Variants in RHOBTB3 observed in about 807,000 individuals in gnomAD.
RHOBTB3 encodes the protein rho-related BTB domain-containing protein 3.
Under a neutral mutation model 67.2 loss-of-function variants are expected in RHOBTB3, and 47 were observed. The ratio of observed to expected loss-of-function variants is 0.70; its 90% CI spans 0.55 to 0.89. The LOEUF is 0.89. Ranked by LOEUF, RHOBTB3 falls within the 40% of genes least tolerant of loss-of-function variation. The pLI is 0.00. For missense variants in RHOBTB3, 631 were observed against 750.0 expected (o/e 0.84, Z 1.85); for synonymous variants, 273 against 274.2 (o/e 1.00, Z 0.04).
chr5:95,788,715 A>T (rs1746293006), intron 10 of RHOBTB3, 47 bp from the exon 11 acceptor site: 2 of 1,214,184 alleles, frequency 1.6e-6, no homozygotes, highest in African/African-American at 3.1e-5. Flanking sequence ...TTATCATACC[A>T]GTGGCCATTA....
At chr5:95,752,206 G>T in intron 4 of RHOBTB3, 33 bp from the exon 5 acceptor site, 1 of 1,276,258 alleles carries the variant, frequency 7.8e-7, no homozygotes. Context: ...TAGTTTTGTT[G>T]GATCTTCAAT....
Position 95,748,426 on chromosome 5 carries a change from C to A in RHOBTB3, c.509C>A (p.Ala170Glu). The A allele has an allele frequency of 1.2e-6, 2 of 1,613,454 alleles. No homozygotes were observed. The highest frequency in any genetic ancestry group is 1.3e-5 in the African/African-American group (1 of 75,014). Reference protein sequence around the residue: ...EGIQLAKELGATYLELHSLDD... With the variant: ...EGIQLAKELGETYLELHSLDD... ...ATCCAACTTGCAAAAGAACTAGGAGCGACCTATCTTGAACTCCACAGCCTT... is the reference window on the plus strand; with the variant it reads ...ATCCAACTTGCAAAAGAACTAGGAGAGACCTATCTTGAACTCCACAGCCTT... Residue 170 changes from alanine (A) to glutamate (E), a missense_variant, in exon 4 of 12, where the codon GCG becomes GAG. Ala to Glu is a moderately radical substitution (Grantham distance 107). Coordinates refer to ENST00000379982, the MANE Select transcript of RHOBTB3 (RefSeq NM_014899.4).
intron 5 of RHOBTB3, among the ~76,000 whole-genome samples, chr5:95,753,979 G>A (rs900134461): frequency 1.6e-4 from 24 of 151,980 alleles, no homozygotes; most frequent in African/African-American, 5.3e-4. Flanking sequence ...GCATGATGGC[G>A]ACGCCTGTAG....
intron 8 of RHOBTB3, among the ~76,000 whole-genome samples, chr5:95,774,217 C>T (rs1314471290): frequency 6.6e-6 from 1 of 152,042 alleles, no homozygotes; most frequent in East Asian, 1.9e-4. Flanking sequence ...CATTGTAGGA[C>T]AGTCAGATAA....
chr5:95,737,052 C>T lies in RHOBTB3; in HGVS notation c.392C>T (p.Ala131Val), dbSNP rs778707106. 1 of 1,594,038 alleles carries T rather than the reference C, an allele frequency of 6.3e-7. No homozygotes were observed. The highest frequency in any genetic ancestry group is 1.1e-5 in the South Asian group (1 of 90,186). The change falls in exon 3 of 12, where the codon GCT (alanine) becomes GTT (valine). Residue 131 changes from alanine (A) to valine (V), a missense_variant. Coordinates refer to ENST00000379982, the MANE Select transcript of RHOBTB3 (RefSeq NM_014899.4). ...RALNSVPVII[A>V]AVGTRQNEEL... is the part of the protein sequence containing the mutation. ...TTAAATTCAGTTCCAGTAATTATTGCTGCTGTTGGTACCAGACAAAATGGT... is the reference window on the plus strand; with the variant it reads ...TTAAATTCAGTTCCAGTAATTATTGTTGCTGTTGGTACCAGACAAAATGGT...
intron 8 of RHOBTB3, among the ~76,000 whole-genome samples, chr5:95,779,788 G>T (rs1023502592): frequency 2.0e-5 from 3 of 152,126 alleles, no homozygotes; most frequent in Admixed American, 1.3e-4. Flanking sequence ...GACAGCTTAT[G>T]GTTTACTTCT....
At chr5:95,785,054 T>C (rs1424286873) in intron 10 of RHOBTB3, among the ~76,000 whole-genome samples, 1 of 152,218 alleles carries the variant, frequency 6.6e-6, no homozygotes, top group Non-Finnish European at 1.5e-5. Context: ...GCATGACAAC[T>C]TTTATCTCCA....
Position 95,792,293 on chromosome 5 carries a change from A to T in RHOBTB3, c.1721-766A>T, listed in dbSNP as rs1746421500. 3.9e-5 allele frequency among the ~76,000 whole-genome samples: 6 copies of T among 152,016 alleles called. No homozygotes were observed. The South Asian group carries it at 1.2e-3, about 32-fold the overall frequency. On this transcript the variant is annotated intron_variant, in intron 11 of 11. Coordinates refer to ENST00000379982, the MANE Select transcript of RHOBTB3 (RefSeq NM_014899.4). The stretch of plus-strand genomic sequence containing the variant: ...TCCCAGCTACTCGGGAGGCTGAGGC[A>T]GGAGAATGGCGTGAACCCGGAAGGC...
intron 11 of RHOBTB3, chr5:95,789,609 A>G (rs908153145): frequency 6.6e-6 from 1 of 152,220 alleles, no homozygotes; most frequent in Admixed American, 6.5e-5. Context: ...GAGTTTCACA[A>G]TCTGGACAAA....
In RHOBTB3 at chr5:95,755,423, C is replaced by G. The variant is rs763502813; in HGVS notation, c.710C>G (p.Ala237Gly). 6.3e-7 allele frequency: 1 copy of G among 1,579,296 alleles called. No individual in the cohort carries two copies. Among genetic ancestry groups the G allele is most frequent in the South Asian group, 1.2e-5 (1 of 83,694 alleles). ...AAAATGCCTGTCTTAAAGGCTGAAG[C>G]GTCACATTATAACTCTGACTTAAAT... ...PEKMPVLKAEASHYNSDLNNL... is the reference protein window; with the variant it reads ...PEKMPVLKAEGSHYNSDLNNL... The change falls in exon 6 of 12, where the codon GCG becomes GGG. Residue 237 changes from alanine to glycine, a missense_variant. Coordinates refer to ENST00000379982, the MANE Select transcript of RHOBTB3 (RefSeq NM_014899.4).
chr5:95,778,729 C>T (rs1745963889), intron 8 of RHOBTB3, among the ~76,000 whole-genome samples: 1 of 152,204 alleles, frequency 6.6e-6, no homozygotes, highest in African/African-American at 2.4e-5. Flanking sequence ...CTTACAATTA[C>T]AAGTCAAATG....
At chr5:95,752,210 C>G in intron 4 of RHOBTB3, 29 bp from the exon 5 acceptor site, 1 of 1,324,072 alleles carries the variant, frequency 7.6e-7, no homozygotes, top group South Asian at 1.3e-5. Flanking sequence ...TTTGTTGGAT[C>G]TTCAATTAAA....
chr5:95,783,602 AAG>A (rs1484576397), intron 9 of RHOBTB3, 193 bp from the exon 10 acceptor site: 7 of 331,106 alleles, frequency 2.1e-5, no homozygotes, highest in Non-Finnish European at 3.3e-5. Flanking sequence ...GAAGAAAGGA[AAG>A]AAAAAAAAGA....
chr5:95,729,769 T>G (rs1327658565), upstream of RHOBTB3, among the ~76,000 whole-genome samples: 1 of 152,196 alleles, frequency 6.6e-6, no homozygotes, highest in Non-Finnish European at 1.5e-5. Flanking sequence ...TGGAATCACT[T>G]TTTGTGATTT....
upstream of RHOBTB3, among the ~76,000 whole-genome samples, chr5:95,729,336 T>G (rs1290909139): frequency 2.6e-5 from 4 of 152,178 alleles, no homozygotes; most frequent in Non-Finnish European, 5.9e-5. Flanking sequence ...TGGGATCTCC[T>G]ATGCCTACCC....
At chr5:95,733,069 A>G (rs1755342820) in intron 2 of RHOBTB3, among the ~76,000 whole-genome samples, 1 of 152,228 alleles carries the variant, frequency 6.6e-6, no homozygotes, top group Non-Finnish European at 1.5e-5. Flanking sequence ...ACGCCATTCT[A>G]AAAAATGTGT....
chr5:95,722,876 A>G (rs1754931980), intron 1 of RHOBTB3, among the ~76,000 whole-genome samples: 1 of 152,248 alleles, frequency 6.6e-6, no homozygotes, highest in Non-Finnish European at 1.5e-5. Context: ...ACCCTTCGAA[A>G]AATACTAGTA....
In RHOBTB3 at chr5:95,761,008, T is replaced by G. The variant is rs1580412611; in HGVS notation, c.1049-2500T>G. Among the ~76,000 whole-genome samples, 5 of 152,262 alleles carry G rather than the reference T, an allele frequency of 3.3e-5. No individual in the cohort carries two copies. The Middle Eastern group carries it at 0.014, about 414-fold the overall frequency. On this transcript the variant is annotated intron_variant, in intron 6 of 11. Coordinates refer to ENST00000379982, the MANE Select transcript of RHOBTB3 (RefSeq NM_014899.4). Reference sequence around the variant, plus strand: ...TAGTCTTACTTTCATTTTCAGTGAGTGATTCTTCCTGTGTGTGTTCTCAGA... The same window carrying G: ...TAGTCTTACTTTCATTTTCAGTGAGGGATTCTTCCTGTGTGTGTTCTCAGA...
rs1746492675 is a variant in RHOBTB3 at position 95,793,835 on chromosome 5, A to C, written c.*661A>C. The C allele has an allele frequency of 2.8e-6, 1 of 360,384 alleles. No homozygotes were observed. Among genetic ancestry groups the C allele is most frequent in the South Asian group, 2.1e-5 (1 of 46,656 alleles). The allele number at this position is 360,384 out of a possible 1,614,324, so 22.3% of individuals were successfully genotyped here. A position where few individuals can be genotyped will look rare whatever the true frequency, so the allele number is the denominator to read the frequency against. On this transcript the variant is annotated 3_prime_UTR_variant, in exon 12 of 12. Coordinates refer to ENST00000379982, the MANE Select transcript of RHOBTB3 (RefSeq NM_014899.4). ...CTTAGCGTGTAACTTGTGTAGCAGC[A>C]CAGGGCCCACACTTAGAAGGACCCC...
Sources: allele counts gnomAD v4.1 joint callset (sites outside exome capture counted in the v4.1 genomes callset), GRCh38; gene constraint gnomAD v4.1.1; transcripts MANE v1.5; gene names NCBI Gene and HGNC (gene_info 2026-07-23, HGNC 2026-07-21).